LRRC8D: variants seen among roughly 807,000 people sequenced by gnomAD.
The protein encoded by LRRC8D is volume-regulated anion channel subunit LRRC8D.
In LRRC8D, 20 loss-of-function variants were observed where a neutral mutation model predicts 55.8. The ratio of observed to expected loss-of-function variants is 0.36; its 90% CI spans 0.25 to 0.52. The LOEUF (loss-of-function observed/expected upper bound fraction) is 0.52, where lower values mean the gene tolerates loss of function less well. Ranked by LOEUF, LRRC8D falls within the 20% of genes least tolerant of loss-of-function variation. The pLI, the probability that LRRC8D is intolerant of heterozygous loss-of-function variation, is 0.93. For synonymous variants in LRRC8D, 352 were observed against 377.0 expected (o/e 0.93, Z 0.77); for missense variants, 651 against 1,030.8 (o/e 0.63, Z 5.05).
intron 2 of LRRC8D, among the ~76,000 whole-genome samples, chr1:89,892,890 G>C (rs1396089033): frequency 6.6e-6 from 1 of 152,168 alleles, no homozygotes; most frequent in Admixed American, 6.5e-5. Context: ...TTGAAATCAA[G>C]TAAAATTCAA....
intron 2 of LRRC8D, among the ~76,000 whole-genome samples, chr1:89,889,408 G>A (rs568685936): frequency 9.2e-5 from 14 of 152,168 alleles, no homozygotes; most frequent in African/African-American, 3.4e-4. Context: ...AGAACATTAG[G>A]TAAAGACCAA....
At chr1:89,869,185 G>T (rs1031550868) in intron 2 of LRRC8D, among the ~76,000 whole-genome samples, 3 of 152,146 alleles carry the variant, frequency 2.0e-5, no homozygotes, top group Non-Finnish European at 2.9e-5. Context: ...GAGATTACAG[G>T]TGTGAGCCAC....
chr1:89,858,916 CATAA>C (rs138261218), intron 2 of LRRC8D, among the ~76,000 whole-genome samples: 1,519 of 151,886 alleles, frequency 0.01, 19 homozygotes, highest in African/African-American at 0.035. Flanking sequence ...AACATTTTGA[CATAA>C]ATAAAACAAT....
intron 2 of LRRC8D, among the ~76,000 whole-genome samples, chr1:89,884,375 T>C (rs1272823954): frequency 1.3e-5 from 2 of 152,254 alleles, no homozygotes; most frequent in Non-Finnish European, 2.9e-5. Context: ...ACCTAACATC[T>C]GTTCAGCACT....
chr1:89,833,995 C>T (rs546620617), intron 1 of LRRC8D, among the ~76,000 whole-genome samples: 3 of 152,202 alleles, frequency 2.0e-5, no homozygotes, highest in East Asian at 1.9e-4. Flanking sequence ...CTCTGGGCAG[C>T]GACACTGTGG....
At chr1:89,851,035 T>C (rs1661403578) in intron 2 of LRRC8D, among the ~76,000 whole-genome samples, 1 of 152,232 alleles carries the variant, frequency 6.6e-6, no homozygotes, top group Admixed American at 6.5e-5. Flanking sequence ...ATAATTTTAA[T>C]ATTGCTGACG....
intron 2 of LRRC8D, among the ~76,000 whole-genome samples, chr1:89,903,689 G>C (rs934822531): frequency 6.6e-6 from 1 of 152,146 alleles, no homozygotes; most frequent in Non-Finnish European, 1.5e-5. Flanking sequence ...TCCTCCAGAA[G>C]GTTAAGCATT....
chr1:89,922,588 G>A (rs542645057), intron 2 of LRRC8D, among the ~76,000 whole-genome samples: 6 of 152,214 alleles, frequency 3.9e-5, no homozygotes, highest in Admixed American at 3.3e-4. Context: ...ATCTTTGGGG[G>A]CTTACTTTGT....
rs369411464 is a variant in LRRC8D, at chr1:89,935,223, G to A, written c.2155G>A (p.Glu719Lys). ...ACTTTATTTCTCTAACAACAAGCTC[G>A]AATCCTTACCAGTGGCAGTATTTAG... Reference protein sequence around the residue: ...ESLYFSNNKLESLPVAVFSLQ... With the variant: ...ESLYFSNNKLKSLPVAVFSLQ... Residue 719 changes from glutamate (E) to lysine (K), a missense_variant, in exon 3 of 3, where the codon GAA (glutamate) becomes AAA (lysine). Glu to Lys is a moderately conservative substitution (Grantham distance 56). This residue lies in a region of LRRC8D where 338 missense variants were observed against 479.4 expected (regional missense o/e 0.71). Transcript: ENST00000337338. The A allele has an allele frequency of 6.1e-5, 98 of 1,613,946 alleles. No homozygotes were observed. Among genetic ancestry groups the A allele is most frequent in the South Asian group, 9.9e-5 (9 of 91,076 alleles).
intron 1 of LRRC8D, chr1:89,822,121 T>A (rs1303541009): frequency 6.6e-6 from 1 of 152,588 alleles, no homozygotes; most frequent in Non-Finnish European, 1.5e-5. Context: ...ATAAATGAGA[T>A]TTTTTGATTT....
chr1:89,837,733 T>C (rs1273429882), intron 1 of LRRC8D, among the ~76,000 whole-genome samples: 1 of 152,234 alleles, frequency 6.6e-6, no homozygotes, highest in African/African-American at 2.4e-5. Flanking sequence ...CTATTAAAAG[T>C]TCATAATAAA....
chr1:89,859,917 A>G (rs531174478), intron 2 of LRRC8D, among the ~76,000 whole-genome samples: 2 of 152,386 alleles, frequency 1.3e-5, no homozygotes, highest in African/African-American at 4.8e-5. Context: ...AATTACTTTG[A>G]AGTAAATTTC....
chr1:89,862,990 A>ATG (rs1415356940), intron 2 of LRRC8D, among the ~76,000 whole-genome samples: 3 of 152,208 alleles, frequency 2.0e-5, no homozygotes, highest in Admixed American at 2.0e-4. Flanking sequence ...TTGTTATTAT[A>ATG]AAAGTAATAA....
intron 2 of LRRC8D, among the ~76,000 whole-genome samples, chr1:89,866,829 G>A (rs1661862066): frequency 6.6e-6 from 1 of 152,100 alleles, no homozygotes; most frequent in Non-Finnish European, 1.5e-5. Flanking sequence ...AGAGAGCAGG[G>A]CAGCAAGGAG....
At chr1:89,931,492 G>A (rs1195158227) in intron 2 of LRRC8D, among the ~76,000 whole-genome samples, 1 of 152,132 alleles carries the variant, frequency 6.6e-6, no homozygotes, top group Non-Finnish European at 1.5e-5. Context: ...TGGGTGTGGT[G>A]GCTCACACCT....
chr1:89,862,111 T>C (rs1195919909), intron 2 of LRRC8D, among the ~76,000 whole-genome samples: 2 of 152,202 alleles, frequency 1.3e-5, no homozygotes, highest in Non-Finnish European at 2.9e-5. Flanking sequence ...GTTATACCGT[T>C]AGATTGTTAA....
chr1:89,897,631 T>G (rs1269353122), intron 2 of LRRC8D, among the ~76,000 whole-genome samples: 3 of 152,202 alleles, frequency 2.0e-5, no homozygotes, highest in Non-Finnish European at 4.4e-5. Flanking sequence ...TGCTTGTGAT[T>G]GTGGATAACT....
intron 2 of LRRC8D, among the ~76,000 whole-genome samples, chr1:89,920,883 G>A (rs1394723576): frequency 2.6e-5 from 4 of 152,142 alleles, no homozygotes; most frequent in Non-Finnish European, 5.9e-5. Context: ...TGTAGAGATG[G>A]TGTAGCTCAT....
intron 1 of LRRC8D, among the ~76,000 whole-genome samples, chr1:89,836,178 T>G (rs917802494): frequency 5.9e-5 from 9 of 152,232 alleles, no homozygotes; most frequent in Non-Finnish European, 1.3e-4. Flanking sequence ...ATAGGTCATT[T>G]TTTTTTCAAA....
Sources: gnomAD v4.1 joint callset for allele counts (sites outside exome capture counted in the v4.1 genomes callset) on GRCh38, gnomAD v4.1.1 for gene constraint, gnomAD v4.1.1 regional missense constraint, MANE v1.5 for transcripts, NCBI Gene and HGNC (gene_info 2026-07-23, HGNC 2026-07-21) for gene names.